The following IFNAR1 variants were observed in gnomAD, a reference collection of about 807,000 sequenced individuals.
IFNAR1 encodes interferon alpha/beta receptor 1.
In IFNAR1, 47 loss-of-function variants were observed where a neutral mutation model predicts 62.1. The observed-to-expected ratio is 0.76, with a 90% CI of 0.60 to 0.97. The LOEUF (loss-of-function observed/expected upper bound fraction) is 0.97, where lower values mean the gene tolerates loss of function less well. IFNAR1 is among the 50% of genes least tolerant of loss of function. The pLI, the probability that IFNAR1 is intolerant of heterozygous loss-of-function variation, is 0.00. For synonymous variants in IFNAR1, 219 were observed against 226.9 expected (o/e 0.97, Z 0.31); for missense variants, 638 against 654.5 (o/e 0.97, Z 0.27).
intron 2 of IFNAR1, among the ~76,000 whole-genome samples, chr21:33,339,000 C>T (rs192272300): frequency 7.2e-4 from 109 of 152,156 alleles, no homozygotes; most frequent in Admixed American, 4.8e-3. Context: ...CCTCGGCCTC[C>T]CAAAGTGCTG....
rs1423980785 is a variant in IFNAR1 at position 33,359,344 on chromosome 21, C to T, written c.*3795C>T. The T allele has an allele frequency of 6.6e-6, 1 of 152,084 alleles. No homozygotes were observed. The highest frequency in any genetic ancestry group is 6.6e-5 in the Admixed American group (1 of 15,264). 9.4% of individuals were successfully genotyped at this position (152,084 alleles called of 1,614,324 possible). On this transcript the variant is annotated 3_prime_UTR_variant, in exon 11 of 11. Transcript: ENST00000270139. ...TTGTACTTAGTGAATTTGTATGCAA[C>T]AGAGATGCTGCAGCTGATGCCTTTA...
intron 1 of IFNAR1, among the ~76,000 whole-genome samples, chr21:33,330,032 G>T (rs990878374): frequency 3.3e-5 from 5 of 152,178 alleles, no homozygotes; most frequent in Admixed American, 1.3e-4. Context: ...GACTTAGATG[G>T]TAAATTGCAG....
intron 5 of IFNAR1, among the ~76,000 whole-genome samples, chr21:33,344,483 T>G (rs12483293): frequency 0.26 from 38,754 of 151,440 alleles, 5,535 homozygotes; most frequent in East Asian, 0.38. Flanking sequence ...AAGTGAAGTC[T>G]TCTTCTCCCT....
intron 6 of IFNAR1, 87 bp downstream of exon 6, chr21:33,345,447 C>T (rs2083336497): frequency 1.3e-6 from 1 of 755,032 alleles, no homozygotes; most frequent in South Asian, 1.5e-5. Context: ...GGTCCTTGCA[C>T]ACAGAATGAC....
intron 3 of IFNAR1, 52 bp downstream of exon 3, chr21:33,341,226 C>T: frequency 7.2e-7 from 1 of 1,384,526 alleles, no homozygotes; most frequent in Admixed American, 2.0e-5. Flanking sequence ...ATTACCAGAG[C>T]AGTTCACTTT....
intron 4 of IFNAR1, 25 bp from the exon 5 acceptor site, chr21:33,343,510 G>A (rs1204592387): frequency 6.5e-6 from 10 of 1,536,882 alleles, no homozygotes; most frequent in Non-Finnish European, 8.9e-6. Context: ...CTTTTTTAAA[G>A]AACCAACTTA....
chr21:33,339,506 CTG>C (rs1416270775), intron 2 of IFNAR1, among the ~76,000 whole-genome samples: 2 of 152,144 alleles, frequency 1.3e-5, no homozygotes, highest in Non-Finnish European at 2.9e-5. Context: ...AAAATGGCAT[CTG>C]TGATATTATT....
At chr21:33,352,085 A>G (rs765441169) in intron 8 of IFNAR1, among the ~76,000 whole-genome samples, 3 of 152,164 alleles carry the variant, frequency 2.0e-5, no homozygotes, top group Admixed American at 6.5e-5. Context: ...GAGAAATTAA[A>G]TAATGCTTGC....
intron 1 of IFNAR1, among the ~76,000 whole-genome samples, chr21:33,333,645 A>T (rs529407748): frequency 3.6e-5 from 4 of 111,420 alleles, no homozygotes; most frequent in Admixed American, 9.0e-5. Context: ...TTTTTTTGAG[A>T]CGGAGTCTCG....
At chr21:33,349,363 A>G (rs1204729995) in intron 7 of IFNAR1, 26 bp from the exon 8 acceptor site, 2 of 1,577,582 alleles carry the variant, frequency 1.3e-6, no homozygotes, top group Non-Finnish European at 1.7e-6. Context: ...CTAATTGAAC[A>G]TTATTTCTTT....
chr21:33,335,094 A>G (rs17875878), intron 1 of IFNAR1: 12,654 of 800,766 alleles, frequency 0.016, 124 homozygotes, highest in Non-Finnish European at 0.021. Flanking sequence ...CTAGGACTCA[A>G]CCTTATTTAT....
At chr21:33,351,248 C>T (rs2083394324) in intron 8 of IFNAR1, among the ~76,000 whole-genome samples, 1 of 152,176 alleles carries the variant, frequency 6.6e-6, no homozygotes, top group South Asian at 2.1e-4. Flanking sequence ...TTCCCTGCAC[C>T]ACCAGACCGT....
At chr21:33,344,438 CT>C (rs35463498) in intron 5 of IFNAR1, among the ~76,000 whole-genome samples, 11 of 147,528 alleles carry the variant, frequency 7.5e-5, no homozygotes, top group Non-Finnish European at 7.5e-5. Context: ...ATTTCATATG[CT>C]TTTTTTTTTA....
intron 1 of IFNAR1, among the ~76,000 whole-genome samples, chr21:33,329,722 TATG>T (rs1259665428): frequency 6.6e-6 from 1 of 152,216 alleles, no homozygotes; most frequent in Non-Finnish European, 1.5e-5. Flanking sequence ...ATCAGTCCTT[TATG>T]ATATTTAAGG....
Position 33,343,715 on chromosome 21 carries a change from A to G in IFNAR1, c.673+39A>G, listed in dbSNP as rs199633772. 4 of 1,444,712 alleles carry G rather than the reference A, an allele frequency of 2.8e-6. No homozygotes were observed. In the East Asian group the frequency reaches 9.2e-5, roughly 33 times the overall value. 89.5% of individuals were successfully genotyped at this position (1,444,712 alleles called of 1,614,324 possible). A position where few individuals can be genotyped will look rare whatever the true frequency, so the allele number is the denominator to read the frequency against. On this transcript the variant is annotated intron_variant, in intron 5 of 10. Transcript: ENST00000270139. ...TTTGTTTTAGATTCAATAAATATAT[A>G]AACAGATTGTCAATTTTGGCATCTT...
Position 33,345,371 on chromosome 21 carries a change from T to A in IFNAR1, c.788+11T>A, listed in dbSNP as rs374083344. 5.1e-6 allele frequency: 7 copies of A among 1,373,508 alleles called. No homozygotes were observed. In the African/African-American group the frequency reaches 1.0e-4, roughly 20 times the overall value. 85.1% of individuals were successfully genotyped at this position (1,373,508 alleles called of 1,614,324 possible). On this transcript the variant is annotated intron_variant, in intron 6 of 10. Transcript: ENST00000270139. ...AGTTCAGTGGCTCCAGTAAGTTCCA[T>A]TCCATAAATTTCCTTTTGCCCAGTT...
chr21:33,345,562 C>A (rs1454624122), intron 6 of IFNAR1, among the ~76,000 whole-genome samples: 1 of 152,322 alleles, frequency 6.6e-6, no homozygotes. Context: ...CGCTTAACCT[C>A]CATGGGCCTC....
At chr21:33,349,347 G>T in intron 7 of IFNAR1, 42 bp from the exon 8 acceptor site, 3 of 1,569,566 alleles carry the variant, frequency 1.9e-6, no homozygotes, top group East Asian at 2.3e-5. Context: ...TTTTAAAATT[G>T]TTTTTCTAAT....
chr21:33,356,405 C>G lies in IFNAR1; in HGVS notation c.*856C>G, dbSNP rs867562723. ...CTTGGTTTTCTGGAAAGTAGCTTAC[C>G]CTAGAAAACAGCTGCAAATGCCAGA... On this transcript the variant is annotated 3_prime_UTR_variant, in exon 11 of 11. Transcript: ENST00000270139. The G allele has an allele frequency of 2.0e-5, 3 of 152,122 alleles. No homozygotes were observed. Among genetic ancestry groups the G allele is most frequent in the Admixed American group, 6.5e-5 (1 of 15,280 alleles). The allele number at this position is 152,122 out of a possible 1,614,324, so 9.4% of individuals were successfully genotyped here. A position where few individuals can be genotyped will look rare whatever the true frequency, so the allele number is the denominator to read the frequency against.
Sources: allele counts gnomAD v4.1 joint callset (sites outside exome capture counted in the v4.1 genomes callset), GRCh38; gene constraint gnomAD v4.1.1; transcripts MANE v1.5; gene names NCBI Gene and HGNC (gene_info 2026-07-23, HGNC 2026-07-21).